Variants in NEK11 observed in about 807,000 individuals in gnomAD.
NEK11 encodes the protein NIMA related kinase 11.
Under a neutral mutation model 80.7 loss-of-function variants are expected in NEK11, and 72 were observed. That is an observed-to-expected ratio of 0.89 (90% CI 0.74 to 1.08). The LOEUF is 1.08. NEK11 is among the 50% of genes least tolerant of loss of function. The pLI is 0.00. For synonymous variants in NEK11, 251 were observed against 260.7 expected, an observed-to-expected ratio of 0.96 and a Z score of 0.36; for missense variants, 764 against 763.6, an observed-to-expected ratio of 1.00 and a Z score of -0.01.
At chr3:131,184,765 A>C in intron 14 of NEK11, 1 of 1,203,622 alleles carries the variant, frequency 8.3e-7, no homozygotes, top group Non-Finnish European at 1.1e-6. Context: ...AATTTCTGAA[A>C]TAAGGAAATA....
At chr3:131,059,907 A>G (rs963419672) in intron 3 of NEK11, among the ~76,000 whole-genome samples, 1 of 152,256 alleles carries the variant, frequency 6.6e-6, no homozygotes, top group Non-Finnish European at 1.5e-5. Flanking sequence ...AATAGGTTGT[A>G]TGCTTGACTA....
At chr3:131,084,302 A>T (rs2149070677) in intron 4 of NEK11, among the ~76,000 whole-genome samples, 1 of 152,352 alleles carries the variant, frequency 6.6e-6, no homozygotes, top group East Asian at 1.9e-4. Flanking sequence ...ACCACAAAGA[A>T]GTTAGCACTC....
chr3:131,300,991 T>C (rs1199017031), intron 17 of NEK11, among the ~76,000 whole-genome samples: 6 of 152,244 alleles, frequency 3.9e-5, no homozygotes, highest in Non-Finnish European at 8.8e-5. Flanking sequence ...TTAACAATAT[T>C]GGTTCTTCCT....
chr3:131,162,566 A>G (rs1005345271), intron 11 of NEK11, 39 bp downstream of exon 11: 1 of 1,609,536 alleles, frequency 6.2e-7, no homozygotes, highest in Non-Finnish European at 8.5e-7. Context: ...GCTCGGGACT[A>G]CTTCTCAGGG....
intron 4 of NEK11, among the ~76,000 whole-genome samples, chr3:131,090,710 T>C (rs1578118358): frequency 6.6e-6 from 1 of 152,354 alleles, no homozygotes; most frequent in East Asian, 1.9e-4. Flanking sequence ...TGTCTAAATC[T>C]TTGAGTGACT....
chr3:131,169,579 A>G (rs2092536983), intron 13 of NEK11, among the ~76,000 whole-genome samples: 2 of 152,204 alleles, frequency 1.3e-5, no homozygotes, highest in African/African-American at 4.8e-5. Context: ...GTTGGATACC[A>G]TAATACATAA....
chr3:131,122,710 G>A (rs922700654), intron 5 of NEK11, among the ~76,000 whole-genome samples: 1 of 152,226 alleles, frequency 6.6e-6, no homozygotes, highest in African/African-American at 2.4e-5. Flanking sequence ...GAGGGGAGGT[G>A]AGAGGAATTG....
intron 7 of NEK11, among the ~76,000 whole-genome samples, chr3:131,149,119 T>C (rs2089085733): frequency 6.6e-6 from 1 of 152,028 alleles, no homozygotes; most frequent in African/African-American, 2.4e-5. Flanking sequence ...TTTATTTTTA[T>C]TTTTGAGTTC....
intron 14 of NEK11, among the ~76,000 whole-genome samples, chr3:131,207,176 A>T (rs1220456852): frequency 6.6e-6 from 1 of 152,230 alleles, no homozygotes; most frequent in Non-Finnish European, 1.5e-5. Context: ...CTTTGAGTAT[A>T]TACCCAGTAA....
Position 131,306,456 on chromosome 3 carries a change from A to G in NEK11, c.1718+32882A>G, listed in dbSNP as rs115854306. 9.2e-3 allele frequency among the ~76,000 whole-genome samples: 1,399 copies of G among 152,214 alleles called. 15 individuals carry two copies. Among genetic ancestry groups the G allele is most frequent in the African/African-American group, 0.03 (1,249 of 41,520 alleles). ...ACTTTGTAAGCCTTTCTCAGTTCTC[A>G]GTTTCTCAGGGGCAAGATGGCTAAA... On this transcript the variant is annotated intron_variant, in intron 17 of 17. Coordinates refer to ENST00000383366, the MANE Select transcript of NEK11 (RefSeq NM_024800.5).
Position 131,089,887 on chromosome 3 carries a change from G to A in NEK11, c.336+9299G>A, listed in dbSNP as rs1010605284. Among the ~76,000 whole-genome samples the A allele has an allele frequency of 5.4e-4, 82 of 152,220 alleles. 1 individual carries two copies. The highest frequency in any genetic ancestry group is 5.4e-3 in the Admixed American group (82 of 15,282). On this transcript the variant is annotated intron_variant, in intron 4 of 17. Transcript: ENST00000383366. ...ATGCTTATTTAATGGAGATATGGTA[G>A]GGTGTGAAGGAAGAGCATTTTAAGT...
intron 17 of NEK11, among the ~76,000 whole-genome samples, chr3:131,318,516 C>T (rs2096866067): frequency 6.6e-6 from 1 of 151,602 alleles, no homozygotes; most frequent in Non-Finnish European, 1.5e-5. Context: ...TAACAAAAAG[C>T]TATAAATAGC....
chr3:131,259,893 G>T (rs2095882871), intron 16 of NEK11, among the ~76,000 whole-genome samples: 1 of 152,180 alleles, frequency 6.6e-6, no homozygotes, highest in Admixed American at 6.5e-5. Flanking sequence ...TTTCTGGGGT[G>T]TTGAGGTGTT....
intron 17 of NEK11, among the ~76,000 whole-genome samples, chr3:131,346,022 C>G (rs914311119): frequency 6.6e-6 from 1 of 151,140 alleles, no homozygotes; most frequent in South Asian, 2.1e-4. Flanking sequence ...CAACGGTTAC[C>G]TCAGGCAGGG....
At chr3:131,298,732 C>T (rs977600068) in intron 17 of NEK11, among the ~76,000 whole-genome samples, 1 of 151,720 alleles carries the variant, frequency 6.6e-6, no homozygotes, top group Non-Finnish European at 1.5e-5. Flanking sequence ...GGTGGTGTTT[C>T]TTTTTGGTGT....
At chr3:131,157,191 G>A (rs976095191) in intron 10 of NEK11, among the ~76,000 whole-genome samples, 2 of 152,224 alleles carry the variant, frequency 1.3e-5, no homozygotes, top group African/African-American at 2.4e-5. Context: ...AGGTGGAATT[G>A]TGTAAGTTCA....
At chr3:131,335,089 A>G (rs1202777012) in intron 17 of NEK11, among the ~76,000 whole-genome samples, 1 of 152,208 alleles carries the variant, frequency 6.6e-6, no homozygotes, top group Non-Finnish European at 1.5e-5. Flanking sequence ...AATCAATAGA[A>G]AAAGAGGGAA....
intron 3 of NEK11, among the ~76,000 whole-genome samples, chr3:131,030,244 A>G (rs2064609280): frequency 6.6e-6 from 1 of 152,176 alleles, no homozygotes; most frequent in South Asian, 2.1e-4. Context: ...CAAAAAAAAA[A>G]AAAGAACATG....
chr3:131,158,387 C>T (rs1022556136), intron 10 of NEK11, among the ~76,000 whole-genome samples: 1 of 152,184 alleles, frequency 6.6e-6, no homozygotes, highest in Non-Finnish European at 1.5e-5. Context: ...CCTGCTACTG[C>T]TGCTGACAGG....
Sources: allele counts gnomAD v4.1 joint callset (sites outside exome capture counted in the v4.1 genomes callset), GRCh38; gene constraint gnomAD v4.1.1; transcripts MANE v1.5; gene names NCBI Gene and HGNC (gene_info 2026-07-23, HGNC 2026-07-21).